AGBL1: variants seen among roughly 807,000 people sequenced by gnomAD.
The protein encoded by AGBL1 is cytosolic carboxypeptidase 4.
A neutral mutation model predicts 118.9 loss-of-function variants in AGBL1; 130 were observed. The observed-to-expected ratio is 1.09, with a 90% CI of 0.95 to 1.26. The LOEUF is 1.26. AGBL1 is among the 50% of genes most tolerant of loss of function. The pLI, the probability that AGBL1 is intolerant of heterozygous loss-of-function variation, is 0.00. For synonymous variants in AGBL1, 555 were observed against 478.9 expected (o/e 1.16, Z -2.08); for missense variants, 1,584 against 1,298.1 (o/e 1.22, Z -3.38).
chr15:86,171,387 T>C (rs531111131), intron 5 of AGBL1, among the ~76,000 whole-genome samples: 14 of 152,292 alleles, frequency 9.2e-5, no homozygotes, highest in African/African-American at 2.6e-4. Context: ...GAAATAAAAG[T>C]ATTCTATTGT....
intron 16 of AGBL1, among the ~76,000 whole-genome samples, chr15:86,284,674 G>T (rs960495281): frequency 6.6e-6 from 1 of 152,212 alleles, no homozygotes; most frequent in Non-Finnish European, 1.5e-5. Context: ...GGAACAGAGA[G>T]TGCAGCAGTT....
intron 15 of AGBL1, among the ~76,000 whole-genome samples, chr15:86,272,079 T>C (rs2079171511): frequency 6.6e-6 from 1 of 152,228 alleles, no homozygotes; most frequent in South Asian, 2.1e-4. Context: ...TGTTCTATCC[T>C]GTTTCTATCC....
In AGBL1 at chr15:86,264,369, C is replaced by A. The variant is rs777290711; in HGVS notation, c.1198C>A (p.Gln400Lys). ...SSKQHCYSKDQSSCGQEREYA... is the reference protein window; with the variant it reads ...SSKQHCYSKDKSSCGQEREYA... ...AAAACAGCATTGCTACAGCAAGGAC[C>A]AAAGCTCCTGTGGGCAAGAAAGAGA... The change falls in exon 11 of 23, where the codon CAA becomes AAA. Residue 400 changes from glutamine (Q) to lysine (K), a missense_variant. Physicochemically the swap from Gln to Lys is moderately conservative, Grantham distance 53 (BLOSUM62 1). Transcript: ENST00000614907. 30 of 1,613,516 alleles carry A rather than the reference C, an allele frequency of 1.9e-5. No homozygotes were observed. Among genetic ancestry groups the A allele is most frequent in the Non-Finnish European group, 2.5e-5 (30 of 1,179,758 alleles).
intron 21 of AGBL1, among the ~76,000 whole-genome samples, chr15:86,597,334 G>T (rs2084426164): frequency 6.6e-6 from 1 of 152,184 alleles, no homozygotes; most frequent in Admixed American, 6.6e-5. Flanking sequence ...TCTTACGCCA[G>T]CTTATAGGAA....
rs557692913 is a variant in AGBL1, at chr15:86,791,412, AC to A, written c.3159-115674del. Among the ~76,000 whole-genome samples, 523 of 152,256 alleles carry A rather than the reference AC, an allele frequency of 3.4e-3. 6 individuals carry two copies. Among genetic ancestry groups the A allele is most frequent in the African/African-American group, 0.012 (492 of 41,542 alleles). ...TTTGCATGATCATTTCAGAATTAAA[AC>A]AAGTAATTCACCTCACCCATAGCAG... On this transcript the variant is annotated intron_variant, in intron 22 of 22. Transcript: ENST00000614907.
At chr15:86,986,601 T>C (rs1257202521) in intron 23 of AGBL1, among the ~76,000 whole-genome samples, 1 of 152,026 alleles carries the variant, frequency 6.6e-6, no homozygotes, top group Non-Finnish European at 1.5e-5. Context: ...GAGTCATATA[T>C]CTGGTGTGCT....
At chr15:86,872,161 T>C (rs567933371) in intron 22 of AGBL1, among the ~76,000 whole-genome samples, 3 of 152,338 alleles carry the variant, frequency 2.0e-5, no homozygotes, top group East Asian at 3.9e-4. Context: ...AGGACAGCTG[T>C]AGTAGTCAGA....
rs146606151 is a variant in AGBL1 at position 86,594,845 on chromosome 15, G to A, written c.2994+40308G>A. ...TTTCACTACTTGTATACTCACTCTC[G>A]TTTTCTTTAAACCCACTCTATTGAG... On this transcript the variant is annotated intron_variant, in intron 21 of 22. Transcript: ENST00000614907. Among the ~76,000 whole-genome samples the A allele has an allele frequency of 4.9e-4, 74 of 152,158 alleles. 1 individual carries two copies. In the South Asian group the frequency reaches 0.013, roughly 26 times the overall value.
chr15:86,634,580 T>C (rs1350752336), intron 21 of AGBL1, among the ~76,000 whole-genome samples: 4 of 152,196 alleles, frequency 2.6e-5, no homozygotes, highest in Admixed American at 6.5e-5. Flanking sequence ...TGTCTGCTAA[T>C]GGATGTGGAG....
intron 22 of AGBL1, among the ~76,000 whole-genome samples, chr15:86,737,117 C>T (rs2141227542): frequency 6.6e-6 from 1 of 152,164 alleles, no homozygotes; most frequent in East Asian, 1.9e-4. Flanking sequence ...ATAGAGAAGA[C>T]AAAAACATAC....
At chr15:86,437,051 T>A (rs1424252528) in intron 18 of AGBL1, among the ~76,000 whole-genome samples, 5 of 152,070 alleles carry the variant, frequency 3.3e-5, no homozygotes, top group Non-Finnish European at 5.9e-5. Flanking sequence ...GGATTTTCCA[T>A]TGAAACTATT....
At chr15:86,894,176 T>G (rs529945809) in intron 22 of AGBL1, among the ~76,000 whole-genome samples, 4 of 152,172 alleles carry the variant, frequency 2.6e-5, no homozygotes, top group Admixed American at 6.6e-5. Flanking sequence ...TTCCCACATC[T>G]CAATATTAAG....
chr15:86,693,601 C>A (rs1357386887), intron 22 of AGBL1, among the ~76,000 whole-genome samples: 2 of 151,988 alleles, frequency 1.3e-5, no homozygotes, highest in African/African-American at 4.8e-5. Flanking sequence ...TTAATTAAGT[C>A]CCACCTATTT....
intron 14 of AGBL1, among the ~76,000 whole-genome samples, chr15:86,271,281 C>G (rs919860317): frequency 6.6e-6 from 1 of 151,910 alleles, no homozygotes; most frequent in South Asian, 2.1e-4. Flanking sequence ...TCAGGATGGT[C>G]TTGATCTCCT....
intron 1 of AGBL1, among the ~76,000 whole-genome samples, chr15:86,092,046 A>G (rs527416783): frequency 2.0e-5 from 3 of 152,184 alleles, no homozygotes; most frequent in Non-Finnish European, 4.4e-5. Context: ...TTACTTGCTT[A>G]TAAAAATAGT....
intron 21 of AGBL1, among the ~76,000 whole-genome samples, chr15:86,659,016 G>A (rs911932306): frequency 2.6e-5 from 4 of 152,096 alleles, no homozygotes; most frequent in Admixed American, 6.6e-5. Flanking sequence ...GAGCAAAGGC[G>A]GGTATTCACA....
Position 86,813,205 on chromosome 15 carries a change from G to GC in AGBL1, c.3159-93882_3159-93881insC, listed in dbSNP as rs535754556. 2.0e-4 allele frequency among the ~76,000 whole-genome samples: 30 copies of GC among 151,748 alleles called. No homozygotes were observed. The South Asian group carries it at 6.3e-3, about 32-fold the overall frequency. ...TGATGGGTCACACCTTTGAGGGTTG[G>GC]GGGGGCCTCAGGGGATGTGGAGGGA... On this transcript the variant is annotated intron_variant, in intron 22 of 22. Coordinates refer to ENST00000614907, the MANE Select transcript of AGBL1 (RefSeq NM_001386094.1).
intron 17 of AGBL1, among the ~76,000 whole-genome samples, chr15:86,392,946 G>A (rs980072034): frequency 6.6e-6 from 1 of 152,136 alleles, no homozygotes; most frequent in African/African-American, 2.4e-5. Context: ...GGTATGTGTG[G>A]TGCATACTAT....
intron 1 of AGBL1, among the ~76,000 whole-genome samples, chr15:86,119,957 A>G (rs1324979691): frequency 6.6e-6 from 1 of 152,182 alleles, no homozygotes; most frequent in Admixed American, 6.5e-5. Context: ...ACTATTTACA[A>G]ACTAACTCGA....
Sources: allele counts gnomAD v4.1 joint callset (sites outside exome capture counted in the v4.1 genomes callset), GRCh38; gene constraint gnomAD v4.1.1; transcripts MANE v1.5; gene names NCBI Gene and HGNC (gene_info 2026-07-23, HGNC 2026-07-21).